The following PRSS2 variants were observed in gnomAD, a reference collection of about 807,000 sequenced individuals.
PRSS2 encodes trypsin-2.
A neutral mutation model predicts 19.2 loss-of-function variants in PRSS2; 19 were observed. The observed-to-expected ratio is 0.99, with a 90% CI of 0.69 to 1.45. PRSS2 has a LOEUF of 1.45. Among genes scored for constraint, PRSS2 ranks in the 40% most tolerant of loss-of-function variants. The pLI, the probability that PRSS2 is intolerant of heterozygous loss-of-function variation, is 0.00. For missense variants in PRSS2, 288 were observed against 294.4 expected (o/e 0.98, Z 0.16); for synonymous variants, 107 against 117.5 (o/e 0.91, Z 0.58).
At position 142,774,036 on chromosome 7, in the gene PRSS2, G is replaced by A; in HGVS notation, c.572G>A (p.Gly191Glu). The change falls in exon 4 of 5, where the codon GGA becomes GAA. Residue 191 changes from glycine to glutamate, a missense_variant. Coordinates refer to ENST00000539842, the MANE Select transcript of PRSS2 (RefSeq NM_002770.4). The stretch of plus-strand genomic sequence containing the variant: ...ATGTTCTGTGTGGGCTTCCTCGAGG[G>A]AGGCAAGGATTCCTGCCAGGTGATT... The part of the protein sequence containing the change: ...NNMFCVGFLE[G>E]GKDSCQGDSG... 21 of 1,599,128 alleles carry A rather than the reference G, an allele frequency of 1.3e-5. No individual in the cohort carries two copies. Among genetic ancestry groups the A allele is most frequent in the Middle Eastern group, 1.7e-4 (1 of 6,038 alleles).
chr7:142,771,997 C>A (rs1799952633), intron 1 of PRSS2, 52 bp from the exon 2 acceptor site: 2 of 1,613,556 alleles, frequency 1.2e-6, no homozygotes, highest in African/African-American at 1.3e-5. Context: ...GCTGGGAGCG[C>A]CACCCCTAAC....
intron 2 of PRSS2, 146 bp from the exon 3 acceptor site, chr7:142,773,120 C>A (rs1800094966): frequency 1.4e-6 from 2 of 1,441,030 alleles, no homozygotes; most frequent in Non-Finnish European, 1.9e-6. Flanking sequence ...ACCCACATTG[C>A]TCTCCTGCCC....
At position 142,774,425 on chromosome 7, in the gene PRSS2, G is replaced by T. The variant is rs1359531385; in HGVS notation, c.661G>T (p.Ala221Ser). 6.5e-5 allele frequency: 96 copies of T among 1,473,612 alleles called. No individual in the cohort carries two copies. Among genetic ancestry groups the T allele is most frequent in the Non-Finnish European group, 8.1e-5 (90 of 1,111,320 alleles). 91.3% of individuals were successfully genotyped at this position (1,473,612 alleles called of 1,614,324 possible). A position where few individuals can be genotyped will look rare whatever the true frequency, so the allele number is the denominator to read the frequency against. ...AATTGTCTCCTGGGGCTATGGCTGT[G>T]CCCAGAAGAACAGGCCTGGAGTCTA... is the stretch of plus-strand genomic sequence containing the variant. ...QGIVSWGYGCAQKNRPGVYTK... is the reference protein window; with the variant it reads ...QGIVSWGYGCSQKNRPGVYTK... Residue 221 changes from alanine (A) to serine (S), a missense_variant, in exon 5 of 5, where the codon GCC becomes TCC. Coordinates refer to ENST00000539842, the MANE Select transcript of PRSS2 (RefSeq NM_002770.4).
intron 1 of PRSS2, 59 bp from the exon 2 acceptor site, chr7:142,771,990 G>A: frequency 1.1e-5 from 17 of 1,612,644 alleles, no homozygotes; most frequent in Non-Finnish European, 1.4e-5. Context: ...GCCACAGGCT[G>A]GGAGCGCCAC....
At position 142,773,358 on chromosome 7, in the gene PRSS2, A is replaced by C; in HGVS notation, c.293A>C (p.Lys98Thr). 1 of 1,614,076 alleles carries C rather than the reference A, an allele frequency of 6.2e-7. No homozygotes were observed. The change falls in exon 3 of 5, where the codon AAA (lysine) becomes ACA (threonine). Residue 98 changes from lysine (K) to threonine (T), a missense_variant. Lys to Thr is a moderately conservative substitution (Grantham distance 78). Coordinates refer to ENST00000539842, the MANE Select transcript of PRSS2 (RefSeq NM_002770.4). Reference protein sequence around the residue: ...INAAKIIRHPKYNSRTLDNDI... With the variant: ...INAAKIIRHPTYNSRTLDNDI... ...GCGGCCAAGATCATCCGCCACCCCA[A>C]ATACAACAGCCGGACTCTGGACAAT...
intron 1 of PRSS2, 128 bp from the exon 2 acceptor site, chr7:142,771,921 G>C (rs112975889): frequency 1.4e-6 from 2 of 1,405,700 alleles, no homozygotes; most frequent in Admixed American, 1.7e-5. Flanking sequence ...GGCTGGCAGC[G>C]CTCCCCCCCT....
rs770542309 is a variant in PRSS2, at chr7:142,774,355, G to C, written c.592-1G>C. On this transcript the variant is annotated splice_acceptor_variant, in intron 4 of 4. Transcript: ENST00000539842. LOFTEE classifies it high-confidence loss of function. ...TACAACTTGTCCCTTCTTCCCCCCA[G>C]GGTGATTCTGGTGGCCCTGTGGTCT... 2.1e-5 allele frequency: 26 copies of C among 1,236,942 alleles called. No homozygotes were observed. Among genetic ancestry groups the C allele is most frequent in the Non-Finnish European group, 3.0e-5 (25 of 834,284 alleles). 76.6% of individuals were successfully genotyped at this position (1,236,942 alleles called of 1,614,324 possible).
rs1023523795 is a variant in PRSS2, at chr7:142,772,200, C to A, written c.192C>A (p.Cys64Ter). The A allele has an allele frequency of 6.2e-7, 1 of 1,613,854 alleles. No homozygotes were observed. The highest frequency in any genetic ancestry group is 2.2e-5 in the East Asian group (1 of 44,882). Residue 64 changes from cysteine to a stop codon, truncating the protein, a stop_gained, in exon 2 of 5, where the codon TGC (cysteine) becomes TGA (stop). Coordinates refer to ENST00000539842, the MANE Select transcript of PRSS2 (RefSeq NM_002770.4). LOFTEE classifies it high-confidence loss of function. ...AGTGGGTGGTGTCAGCAGGTCACTG[C>A]TACAAGTCGTAAGTGTGGGGCCCCT... Reference protein sequence around the residue: ...SEQWVVSAGHCYKSRIQVRLG... With the variant: ...SEQWVVSAGH
intron 1 of PRSS2, 50 bp downstream of exon 1, chr7:142,771,072 C>CA: frequency 2.2e-6 from 1 of 463,322 alleles, no homozygotes; most frequent in Non-Finnish European, 3.8e-6. Context: ...CCCTGGCAGA[C>CA]ACATGCCCTG....
At chr7:142,771,983 A>T (rs572417656) in intron 1 of PRSS2, 66 bp from the exon 2 acceptor site, 2 of 1,468,796 alleles carry the variant, frequency 1.4e-6, no homozygotes, top group Non-Finnish European at 1.9e-6. Flanking sequence ...GGAAGCAGCC[A>T]CAGGCTGGGA....
rs369893227 is a variant in PRSS2 at position 142,773,367 on chromosome 7, G to A, written c.302G>A (p.Ser101Asn). 3.1e-6 allele frequency: 3 copies of A among 953,744 alleles called. No homozygotes were observed. The African/African-American group carries it at 6.6e-5, about 21-fold the overall frequency. The allele number at this position is 953,744 out of a possible 1,614,324, so 59.1% of individuals were successfully genotyped here. A position where few individuals can be genotyped will look rare whatever the true frequency, so the allele number is the denominator to read the frequency against. ...ATCATCCGCCACCCCAAATACAACA[G>A]CCGGACTCTGGACAATGACATCCTG... is the stretch of plus-strand genomic sequence containing the variant. The part of the protein sequence containing the change: ...AKIIRHPKYN[S>N]RTLDNDILLI... The change falls in exon 3 of 5, where the codon AGC becomes AAC. Residue 101 changes from serine to asparagine, a missense_variant. By Grantham distance (46) the Ser-to-Asn change is conservative. Coordinates refer to ENST00000539842, the MANE Select transcript of PRSS2 (RefSeq NM_002770.4).
Position 142,772,056 on chromosome 7 carries a change from C to T in PRSS2, c.48C>T (p.Ala16=), listed in dbSNP as rs1320372657. The change falls in exon 2 of 5, where the codon GCC becomes GCT. Residue 16 remains alanine, a synonymous_variant. Coordinates refer to ENST00000539842, the MANE Select transcript of PRSS2 (RefSeq NM_002770.4). ...TTCCCATCTCCACTCCAGTTGCTGC[C>T]CCCTTTGATGATGATGACAAGATCG... The part of the protein sequence containing the change: ...ILTFVAAAVA[A]PFDDDDKIVG... The T allele has an allele frequency of 6.2e-7, 1 of 1,613,734 alleles. No individual in the cohort carries two copies. Among genetic ancestry groups the T allele is most frequent in the African/African-American group, 1.3e-5 (1 of 74,942 alleles).
At chr7:142,771,438 C>T (rs1160033513) in intron 1 of PRSS2, among the ~76,000 whole-genome samples, 1 of 152,270 alleles carries the variant, frequency 6.6e-6, no homozygotes, top group African/African-American at 2.4e-5. Flanking sequence ...GTCTGGTGTG[C>T]AGCCTGTGTT....
Position 142,774,362 on chromosome 7 carries a change from T to C in PRSS2, c.598T>C (p.Ser200Pro). Residue 200 changes from serine to proline, a missense_variant, in exon 5 of 5, where the codon TCT (serine) becomes CCT (proline). Coordinates refer to ENST00000539842, the MANE Select transcript of PRSS2 (RefSeq NM_002770.4). ...EGGKDSCQGD[S>P]GGPVVSNGEL... ...TGTCCCTTCTTCCCCCCAGGGTGAT[T>C]CTGGTGGCCCTGTGGTCTCCAATGG... is the stretch of plus-strand genomic sequence containing the variant. The C allele has an allele frequency of 1.5e-6, 2 of 1,308,214 alleles. No homozygotes were observed. The highest frequency in any genetic ancestry group is 2.2e-6 in the Non-Finnish European group (2 of 900,354). The allele number at this position is 1,308,214 out of a possible 1,614,324, so 81.0% of individuals were successfully genotyped here.
chr7:142,773,231 G>C, intron 2 of PRSS2, 35 bp from the exon 3 acceptor site: 1 of 1,589,052 alleles, frequency 6.3e-7, no homozygotes, highest in Non-Finnish European at 8.6e-7. Flanking sequence ...CTGGCTGTGG[G>C]AGAAGGTCTT....
At chr7:142,772,571 C>G (rs1252464183) in intron 2 of PRSS2, 4 of 553,992 alleles carry the variant, frequency 7.2e-6, no homozygotes, top group Non-Finnish European at 1.3e-5. Context: ...GGGCAATTAA[C>G]TCAAAATTAT....
At chr7:142,773,093 G>C (rs902474270) in intron 2 of PRSS2, among the ~76,000 whole-genome samples, 173 bp from the exon 3 acceptor site, 1 of 151,876 alleles carries the variant, frequency 6.6e-6, no homozygotes, top group Non-Finnish European at 1.5e-5. Flanking sequence ...AAGGTCCTGG[G>C]TTTCACACCT....
chr7:142,772,415 G>C (rs1433908725), intron 2 of PRSS2: 5 of 821,098 alleles, frequency 6.1e-6, no homozygotes, highest in South Asian at 4.4e-5. Flanking sequence ...AAACAGCAAG[G>C]GTTGTGGTCA....
intron 1 of PRSS2, among the ~76,000 whole-genome samples, chr7:142,771,762 C>T (rs886408179): frequency 2.0e-5 from 3 of 152,188 alleles, no homozygotes; most frequent in African/African-American, 7.2e-5. Context: ...AGCCACATCC[C>T]AAATCCTATC....
Sources: gnomAD v4.1 joint callset for allele counts (sites outside exome capture counted in the v4.1 genomes callset) on GRCh38, gnomAD v4.1.1 for gene constraint, MANE v1.5 for transcripts, NCBI Gene and HGNC (gene_info 2026-07-23, HGNC 2026-07-21) for gene names.